TRAPPC12: variants seen among roughly 807,000 people sequenced by gnomAD.
TRAPPC12 encodes trafficking protein particle complex subunit 12, also known as TPR repeat protein 15.
In TRAPPC12, 61 loss-of-function variants were observed where a neutral mutation model predicts 69.2. That is an observed-to-expected ratio of 0.88 (90% CI 0.72 to 1.09). The LOEUF (loss-of-function observed/expected upper bound fraction) is 1.09. Among genes scored for constraint, TRAPPC12 ranks in the 50% least tolerant of loss-of-function variants. The pLI is 0.00. For synonymous variants in TRAPPC12, 469 were observed against 438.9 expected (o/e 1.07, Z -0.86); for missense variants, 1,101 against 1,016.4 (o/e 1.08, Z -1.13).
At chr2:3,448,667 GCGAGGGTAGGGCGTGGAGAGCAGC>G (rs1664666861) in intron 6 of TRAPPC12, among the ~76,000 whole-genome samples, 1 of 71,876 alleles carries the variant, frequency 1.4e-5, no homozygotes, top group African/African-American at 7.2e-5. Context: ...AGCCGGTTAC[GCGAGGGTAGGGCGTGGAGAGCAGC>G]CGGTTACGCG....
rs114313590 is a variant in TRAPPC12 at position 3,422,062 on chromosome 2, A to G, written c.1278+68A>G. ...ACAGTCTGGGGACATGGACAGGACCATGGCCTTTCATGCCAATAACAAAAA... is the reference window on the plus strand; with the variant it reads ...ACAGTCTGGGGACATGGACAGGACCGTGGCCTTTCATGCCAATAACAAAAA... On this transcript the variant is annotated intron_variant, in intron 4 of 11. Transcript: ENST00000324266. 1.9e-3 allele frequency: 2,179 copies of G among 1,174,520 alleles called. 28 individuals carry two copies. The African/African-American group carries it at 0.029, about 16-fold the overall frequency. The allele number at this position is 1,174,520 out of a possible 1,614,324, so 72.8% of individuals were successfully genotyped here. A position where few individuals can be genotyped will look rare whatever the true frequency, so the allele number is the denominator to read the frequency against.
At chr2:3,407,274 T>C (rs1485435394) in intron 3 of TRAPPC12, among the ~76,000 whole-genome samples, 2 of 152,256 alleles carry the variant, frequency 1.3e-5, no homozygotes, top group African/African-American at 4.8e-5. Flanking sequence ...TAGACTATTT[T>C]TCTCATCATT....
chr2:3,409,206 A>G (rs1388926443), intron 3 of TRAPPC12, among the ~76,000 whole-genome samples: 1 of 152,226 alleles, frequency 6.6e-6, no homozygotes, highest in African/African-American at 2.4e-5. Flanking sequence ...GACAAAGGAT[A>G]TGATAGCAAA....
At chr2:3,383,630 C>T (rs1297006473) in intron 1 of TRAPPC12, among the ~76,000 whole-genome samples, 1 of 151,660 alleles carries the variant, frequency 6.6e-6, no homozygotes, top group Non-Finnish European at 1.5e-5. Context: ...TCATCTTGAA[C>T]TCCTGACCTC....
chr2:3,383,112 T>A (rs1245020635), intron 1 of TRAPPC12, among the ~76,000 whole-genome samples: 1 of 152,202 alleles, frequency 6.6e-6, no homozygotes, highest in Admixed American at 6.5e-5. Context: ...TTCAGCTCTG[T>A]TGCTTATTTT....
intron 6 of TRAPPC12, among the ~76,000 whole-genome samples, chr2:3,450,587 C>T (rs1031079088): frequency 6.6e-6 from 1 of 152,220 alleles, no homozygotes; most frequent in Admixed American, 6.5e-5. Context: ...CGCATGGTGC[C>T]TGCCAGGCAC....
rs1558358591 is a variant in TRAPPC12 at position 3,409,749 on chromosome 2, TTA to T, written c.1164+7857_1164+7858del. On this transcript the variant is annotated intron_variant, in intron 3 of 11. Transcript: ENST00000324266. ...TGGGCAACAAAGCAAGACTTTGTCTTTAAAAAAAAAAAAAAAAAAAAAAAAAA... is the reference window on the plus strand; with the variant it reads ...TGGGCAACAAAGCAAGACTTTGTCTTAAAAAAAAAAAAAAAAAAAAAAAAA... Among the ~76,000 whole-genome samples the T allele has an allele frequency of 8.3e-3, 734 of 88,698 alleles. 13 individuals are homozygous for T. The highest frequency in any genetic ancestry group is 0.011 in the Non-Finnish European group (519 of 46,040). 58.2% of individuals were successfully genotyped at this position (88,698 alleles called of 152,430 possible). A position where few individuals can be genotyped will look rare whatever the true frequency, so the allele number is the denominator to read the frequency against.
At chr2:3,476,807 C>T (rs1666311514) in intron 9 of TRAPPC12, among the ~76,000 whole-genome samples, 1 of 152,202 alleles carries the variant, frequency 6.6e-6, no homozygotes, top group South Asian at 2.1e-4. Flanking sequence ...CAGCTTGTTT[C>T]TCATCGAGAC....
intron 2 of TRAPPC12, among the ~76,000 whole-genome samples, chr2:3,391,830 C>T (rs2103441771): frequency 6.6e-6 from 1 of 152,136 alleles, no homozygotes; most frequent in East Asian, 1.9e-4. Flanking sequence ...ATGTTTCTTC[C>T]CTTCTCTCTC....
chr2:3,387,791 T>C lies in TRAPPC12; in HGVS notation c.168T>C (p.Ser56=). Residue 56 remains serine, a synonymous_variant, in exon 2 of 12, where the codon AGT becomes AGC. Coordinates refer to ENST00000324266, the MANE Select transcript of TRAPPC12 (RefSeq NM_016030.6). The part of the protein sequence containing the change: ...EENETASEGS[S]PLADKLNEHM... ...ACGAGACCGCATCGGAAGGCTCGAG[T>C]CCTCTCGCGGACAAGCTGAACGAAC... The C allele has an allele frequency of 6.2e-7, 1 of 1,613,252 alleles. No homozygotes were observed. Among genetic ancestry groups the C allele is most frequent in the Non-Finnish European group, 8.5e-7 (1 of 1,179,590 alleles).
chr2:3,387,520 A>C, intron 1 of TRAPPC12, 100 bp from the exon 2 acceptor site: 1 of 975,952 alleles, frequency 1.0e-6, no homozygotes, highest in Non-Finnish European at 1.5e-6. Flanking sequence ...AGCTGGAGAA[A>C]TGGAAGTCTG....
intron 3 of TRAPPC12, among the ~76,000 whole-genome samples, chr2:3,418,551 G>T (rs1425739367): frequency 6.6e-6 from 1 of 152,224 alleles, no homozygotes; most frequent in Admixed American, 6.5e-5. Flanking sequence ...TGGCCATACA[G>T]TATCTGTCCA....
intron 6 of TRAPPC12, among the ~76,000 whole-genome samples, chr2:3,452,801 G>T (rs780648687): frequency 1.3e-5 from 2 of 152,244 alleles, no homozygotes; most frequent in Non-Finnish European, 2.9e-5. Context: ...GTACAGGGAT[G>T]ATGGTGAAAG....
At position 3,396,336 on chromosome 2, in the gene TRAPPC12, C is replaced by T. The variant is rs181416960; in HGVS notation, c.1048-5441C>T. 4.7e-4 allele frequency among the ~76,000 whole-genome samples: 71 copies of T among 151,758 alleles called. No homozygotes were observed. In the East Asian group the frequency reaches 7.7e-3, roughly 17 times the overall value. ...AGAAGTCTGTAGTAATTCTTATCCT[C>T]GCTCCTCTGTACCTAATTGTATATT... On this transcript the variant is annotated intron_variant, in intron 2 of 11. Transcript: ENST00000324266.
At chr2:3,412,480 G>A (rs1662118241) in intron 3 of TRAPPC12, among the ~76,000 whole-genome samples, 1 of 152,202 alleles carries the variant, frequency 6.6e-6, no homozygotes, top group South Asian at 2.1e-4. Flanking sequence ...CGAATTGCTT[G>A]AACCCAGGTG....
At position 3,387,796 on chromosome 2, in the gene TRAPPC12, T is replaced by G. The variant is rs747620049; in HGVS notation, c.173T>G (p.Leu58Arg). ...ACCGCATCGGAAGGCTCGAGTCCTCTCGCGGACAAGCTGAACGAACACATG... is the reference window on the plus strand; with the variant it reads ...ACCGCATCGGAAGGCTCGAGTCCTCGCGCGGACAAGCTGAACGAACACATG... ...NETASEGSSP[L>R]ADKLNEHMME... Residue 58 changes from leucine (L) to arginine (R), a missense_variant, in exon 2 of 12, where the codon CTC becomes CGC. Transcript: ENST00000324266. 1.2e-6 allele frequency: 2 copies of G among 1,613,500 alleles called. No individual in the cohort carries two copies. The highest frequency in any genetic ancestry group is 1.7e-6 in the Non-Finnish European group (2 of 1,179,658).
intron 9 of TRAPPC12, among the ~76,000 whole-genome samples, chr2:3,470,527 T>A (rs1666018571): frequency 6.6e-6 from 1 of 152,240 alleles, no homozygotes; most frequent in Non-Finnish European, 1.5e-5. Flanking sequence ...CAATCCTGCC[T>A]CCACCAGTGC....
chr2:3,405,825 G>T (rs768826420), intron 3 of TRAPPC12, among the ~76,000 whole-genome samples: 2 of 152,176 alleles, frequency 1.3e-5, no homozygotes, highest in Non-Finnish European at 2.9e-5. Context: ...TAACTCTTAT[G>T]ATTCTTCATC....
intron 3 of TRAPPC12, among the ~76,000 whole-genome samples, chr2:3,411,296 G>A (rs922259273): frequency 1.3e-5 from 2 of 152,172 alleles, no homozygotes; most frequent in East Asian, 1.9e-4. Context: ...GACTGAGGGC[G>A]TCACTGTGTG....
Sources: gnomAD v4.1 joint callset for allele counts (sites outside exome capture counted in the v4.1 genomes callset) on GRCh38, gnomAD v4.1.1 for gene constraint, MANE v1.5 for transcripts, NCBI Gene and HGNC (gene_info 2026-07-23, HGNC 2026-07-21) for gene names.